Variants in NRXN1 observed in about 807,000 individuals in gnomAD.
The protein encoded by NRXN1 is neurexin 1.
A neutral mutation model predicts 150.9 loss-of-function variants in NRXN1; 39 were observed. The ratio of observed to expected loss-of-function variants is 0.26; its 90% CI spans 0.20 to 0.34. NRXN1 has a LOEUF of 0.34. NRXN1 is among the 10% of genes least tolerant of loss of function. The pLI, the probability that NRXN1 is intolerant of heterozygous loss-of-function variation, is 1.00. For synonymous variants in NRXN1, 924 were observed against 757.0 expected, an observed-to-expected ratio of 1.22 and a Z score of -3.62; for missense variants, 1,815 against 1,949.9, an observed-to-expected ratio of 0.93 and a Z score of 1.30.
chr2:49,990,805 G>A (rs1057243938), intron 21 of NRXN1, among the ~76,000 whole-genome samples: 2 of 152,044 alleles, frequency 1.3e-5, no homozygotes, highest in Non-Finnish European at 2.9e-5. Flanking sequence ...AATACCTTTT[G>A]TAGCTAATGT....
At chr2:50,716,411 A>C (rs1695875931) in intron 5 of NRXN1, among the ~76,000 whole-genome samples, 1 of 152,200 alleles carries the variant, frequency 6.6e-6, no homozygotes, top group Non-Finnish European at 1.5e-5. Context: ...AACATGAGTC[A>C]TTGAAGAAAA....
chr2:50,797,970 C>T (rs1296114875), intron 5 of NRXN1, among the ~76,000 whole-genome samples: 2 of 152,126 alleles, frequency 1.3e-5, no homozygotes, highest in African/African-American at 4.8e-5. Flanking sequence ...CATAACTCAA[C>T]TATTTAAATA....
At chr2:50,542,273 C>T (rs1041876190) in intron 9 of NRXN1, among the ~76,000 whole-genome samples, 1 of 151,678 alleles carries the variant, frequency 6.6e-6, no homozygotes, top group African/African-American at 2.4e-5. Context: ...CAGAGCAAAA[C>T]TCCATCAGAA....
chr2:50,533,550 G>C (rs1022725176), intron 10 of NRXN1, among the ~76,000 whole-genome samples: 1 of 152,072 alleles, frequency 6.6e-6, no homozygotes, highest in African/African-American at 2.4e-5. Context: ...TCCACATTCT[G>C]AATTGATTGC....
intron 5 of NRXN1, among the ~76,000 whole-genome samples, chr2:50,815,064 CTCT>C (rs997236274): frequency 9.2e-5 from 14 of 152,058 alleles, no homozygotes; most frequent in African/African-American, 3.4e-4. Flanking sequence ...AACTGACATA[CTCT>C]TTTTTTTTTC....
At chr2:50,918,390 C>T (rs1685514556) in intron 5 of NRXN1, 2 of 302,180 alleles carry the variant, frequency 6.6e-6, no homozygotes, top group Admixed American at 5.2e-5. Flanking sequence ...AAGCTTTCTG[C>T]CCTCATAGAG....
chr2:50,319,050 T>G (rs1369104598), intron 17 of NRXN1, among the ~76,000 whole-genome samples: 2 of 152,142 alleles, frequency 1.3e-5, no homozygotes, highest in African/African-American at 2.4e-5. Context: ...TTAAACTAAA[T>G]GTTTAAAATT....
chr2:50,212,066 A>T (rs1002117807), intron 18 of NRXN1, among the ~76,000 whole-genome samples: 1 of 150,420 alleles, frequency 6.6e-6, no homozygotes, highest in Non-Finnish European at 1.5e-5. Flanking sequence ...ATTCACTATT[A>T]AAGTTTCCTG....
At chr2:50,016,764 C>T (rs890645544) in intron 21 of NRXN1, among the ~76,000 whole-genome samples, 5 of 151,942 alleles carry the variant, frequency 3.3e-5, no homozygotes, top group Admixed American at 6.6e-5. Context: ...ATAATCAGAG[C>T]GCAGACACAC....
intron 8 of NRXN1, among the ~76,000 whole-genome samples, chr2:50,573,270 G>A (rs1670923399): frequency 6.6e-6 from 1 of 151,962 alleles, no homozygotes; most frequent in African/African-American, 2.4e-5. Flanking sequence ...GGCTGAGGCA[G>A]AAGGATCGCT....
At chr2:50,378,634 CT>C (rs1239361079) in intron 17 of NRXN1, among the ~76,000 whole-genome samples, 19 of 152,128 alleles carry the variant, frequency 1.2e-4, no homozygotes, top group Admixed American at 2.6e-4. Flanking sequence ...AAATTGGGGG[CT>C]TTTTGTAATC....
chr2:50,351,266 T>C (rs1353382230), intron 17 of NRXN1, among the ~76,000 whole-genome samples: 2 of 152,206 alleles, frequency 1.3e-5, no homozygotes, highest in African/African-American at 4.8e-5. Flanking sequence ...GACAGTGCGA[T>C]GTAAGTGTTT....
At chr2:50,761,587 G>A (rs1368475076) in intron 5 of NRXN1, among the ~76,000 whole-genome samples, 4 of 151,854 alleles carry the variant, frequency 2.6e-5, no homozygotes, top group South Asian at 2.1e-4. Context: ...ATAGCAGTAT[G>A]AAAACAGACT....
At chr2:50,414,450 TA>T (rs2083400606) in intron 17 of NRXN1, among the ~76,000 whole-genome samples, 1 of 152,126 alleles carries the variant, frequency 6.6e-6, no homozygotes, top group African/African-American at 2.4e-5. Flanking sequence ...ATACCTACTA[TA>T]TACACACAAA....
chr2:50,336,059 C>G (rs1187680708), intron 17 of NRXN1, among the ~76,000 whole-genome samples: 1 of 152,112 alleles, frequency 6.6e-6, no homozygotes, highest in Non-Finnish European at 1.5e-5. Context: ...AACCAAGGCT[C>G]AGAGGCTTAG....
chr2:50,141,123 C>G (rs1390055129), intron 18 of NRXN1, among the ~76,000 whole-genome samples: 2 of 151,964 alleles, frequency 1.3e-5, no homozygotes, highest in East Asian at 1.9e-4. Context: ...GACGTACACT[C>G]TATGACAGTG....
intron 5 of NRXN1, among the ~76,000 whole-genome samples, chr2:50,847,021 C>T (rs373617676): frequency 2.2e-4 from 33 of 152,108 alleles, no homozygotes; most frequent in African/African-American, 7.5e-4. Context: ...TTAGTAAGAC[C>T]TGTCGGATCA....
intron 5 of NRXN1, among the ~76,000 whole-genome samples, chr2:50,841,782 A>T (rs1168744455): frequency 6.6e-6 from 1 of 152,138 alleles, no homozygotes; most frequent in African/African-American, 2.4e-5. Flanking sequence ...ATTCCATAAG[A>T]TCTTTCTTTA....
At position 50,938,277 on chromosome 2, in the gene NRXN1, C is replaced by T. The variant is rs72891362; in HGVS notation, c.773-12322G>A. 8.4e-3 allele frequency among the ~76,000 whole-genome samples: 1,282 copies of T among 152,184 alleles called. 19 individuals are homozygous for T. Among genetic ancestry groups the T allele is most frequent in the African/African-American group, 0.03 (1,226 of 41,502 alleles). On this transcript the variant is annotated intron_variant, in intron 2 of 22. Transcript: ENST00000401669. ...AAATGAAAATTAAGGTATGTGTGCTCGATGGCTATTATGTCACTAGGCATT... is the reference window on the plus strand; with the variant it reads ...AAATGAAAATTAAGGTATGTGTGCTTGATGGCTATTATGTCACTAGGCATT...
Sources: allele counts gnomAD v4.1 joint callset (sites outside exome capture counted in the v4.1 genomes callset), GRCh38; gene constraint gnomAD v4.1.1; transcripts MANE v1.5; gene names NCBI Gene and HGNC (gene_info 2026-07-23, HGNC 2026-07-21).